CHRM2: variants seen among roughly 807,000 people sequenced by gnomAD.
The protein encoded by CHRM2 is cholinergic receptor muscarinic 2.
Under a neutral mutation model 25.0 loss-of-function variants are expected in CHRM2, and 8 were observed. That is an observed-to-expected ratio of 0.32 (90% CI 0.19 to 0.58). The LOEUF (loss-of-function observed/expected upper bound fraction) is 0.58. CHRM2 is among the 20% of genes least tolerant of loss of function. The pLI, the probability that CHRM2 is intolerant of heterozygous loss-of-function variation, is 0.88. For missense variants in CHRM2, 440 were observed against 567.1 expected (o/e 0.78, Z 2.28); for synonymous variants, 202 against 205.7 (o/e 0.98, Z 0.15).
At chr7:136,933,272 T>C (rs1179327230) in intron 2 of CHRM2, among the ~76,000 whole-genome samples, 1 of 152,180 alleles carries the variant, frequency 6.6e-6, no homozygotes, top group Non-Finnish European at 1.5e-5. Context: ...GGAACAGACA[T>C]TTCTCCAAAG....
In CHRM2 at chr7:136,894,496, C is replaced by T. The variant is rs191386887; in HGVS notation, c.-125+25078C>T. Among the ~76,000 whole-genome samples the T allele has an allele frequency of 3.3e-5, 5 of 152,090 alleles. No individual in the cohort carries two copies. In the East Asian group the frequency reaches 7.8e-4, roughly 24 times the overall value. Reference sequence around the variant, plus strand: ...AAGCAATTCTCCTGCCTCAGCCTCCCGAGTAGGTGAGATTACAGACACATG... The same window carrying T: ...AAGCAATTCTCCTGCCTCAGCCTCCTGAGTAGGTGAGATTACAGACACATG... On this transcript the variant is annotated intron_variant, in intron 2 of 3. Coordinates refer to ENST00000680005, the MANE Select transcript of CHRM2 (RefSeq NM_001006630.2).
chr7:136,954,016 C>T (rs1800572441), intron 2 of CHRM2, among the ~76,000 whole-genome samples: 1 of 151,986 alleles, frequency 6.6e-6, no homozygotes, highest in Admixed American at 6.6e-5. Context: ...AGAGGAATGG[C>T]CTGTTTATTA....
intron 3 of CHRM2, among the ~76,000 whole-genome samples, chr7:136,994,536 T>C (rs1803458731): frequency 6.9e-6 from 1 of 144,430 alleles, no homozygotes. Context: ...TTTTTTTTTT[T>C]TTTTTTTTTT....
At chr7:136,959,793 C>T (rs1800955324) in intron 2 of CHRM2, among the ~76,000 whole-genome samples, 1 of 152,128 alleles carries the variant, frequency 6.6e-6, no homozygotes, top group Middle Eastern at 3.2e-3. Context: ...TGCCTGTAAT[C>T]CCAGCTACTC....
intron 2 of CHRM2, among the ~76,000 whole-genome samples, chr7:136,877,092 T>C (rs895508137): frequency 3.9e-5 from 6 of 152,006 alleles, no homozygotes; most frequent in Non-Finnish European, 7.4e-5. Context: ...AACTGGAACA[T>C]AGAAGGCATC....
chr7:136,903,189 A>C (rs2130633529), intron 2 of CHRM2: 1 of 534,298 alleles, frequency 1.9e-6, no homozygotes. Context: ...TGGTTTGGAA[A>C]GTTCATTGTT....
At chr7:136,938,647 G>T in intron 2 of CHRM2, 1 of 829,180 alleles carries the variant, frequency 1.2e-6, no homozygotes, top group East Asian at 2.5e-5. Context: ...TGCGGGCACA[G>T]GGCCCACTCG....
At chr7:136,894,324 A>G (rs1035312176) in intron 2 of CHRM2, among the ~76,000 whole-genome samples, 12 of 152,300 alleles carry the variant, frequency 7.9e-5, no homozygotes, top group African/African-American at 2.9e-4. Context: ...ATCATTTTGA[A>G]GAAAATATGG....
intron 3 of CHRM2, among the ~76,000 whole-genome samples, chr7:137,009,896 G>A (rs894813239): frequency 4.6e-5 from 7 of 151,430 alleles, no homozygotes; most frequent in African/African-American, 7.3e-5. Flanking sequence ...CTAACCCTGC[G>A]CCCCATACCT....
intron 3 of CHRM2, among the ~76,000 whole-genome samples, chr7:137,000,928 G>A (rs1803994134): frequency 6.6e-6 from 1 of 152,140 alleles, no homozygotes; most frequent in Non-Finnish European, 1.5e-5. Context: ...CCATTTAAGG[G>A]TTTGTTTTGT....
chr7:136,903,074 G>A, intron 2 of CHRM2: 1 of 519,794 alleles, frequency 1.9e-6, no homozygotes. Context: ...TTCTGACACA[G>A]AAGACAAACA....
intron 2 of CHRM2, among the ~76,000 whole-genome samples, chr7:136,925,676 C>CA (rs1274742420): frequency 6.6e-6 from 1 of 152,100 alleles, no homozygotes; most frequent in Non-Finnish European, 1.5e-5. Flanking sequence ...TAATCCCTGG[C>CA]ACCTCCTGTC....
At chr7:136,938,324 T>C in intron 2 of CHRM2, 1 of 1,429,078 alleles carries the variant, frequency 7.0e-7, no homozygotes, top group Non-Finnish European at 9.8e-7. Flanking sequence ...ATGTTGTCCA[T>C]GTTGCTCCGA....
At chr7:136,928,287 T>C (rs1450339671) in intron 2 of CHRM2, among the ~76,000 whole-genome samples, 1 of 152,234 alleles carries the variant, frequency 6.6e-6, no homozygotes, top group Non-Finnish European at 1.5e-5. Context: ...TTAACTTCTC[T>C]GGGCCTCATG....
chr7:136,970,974 G>C (rs1293333434), intron 2 of CHRM2, among the ~76,000 whole-genome samples: 2 of 152,066 alleles, frequency 1.3e-5, no homozygotes, highest in Non-Finnish European at 1.5e-5. Context: ...GAAAATACTT[G>C]ACACAATTGA....
At chr7:137,006,266 G>T (rs1804417222) in intron 3 of CHRM2, among the ~76,000 whole-genome samples, 4 of 152,008 alleles carry the variant, frequency 2.6e-5, no homozygotes, top group African/African-American at 7.2e-5. Context: ...CTTCCTTTTT[G>T]GCAGGAGTTG....
chr7:136,905,317 A>G (rs1797472686), intron 2 of CHRM2, among the ~76,000 whole-genome samples: 1 of 151,448 alleles, frequency 6.6e-6, no homozygotes, highest in African/African-American at 2.4e-5. Context: ...CACAAAATGC[A>G]CTCGTTTTTT....
At chr7:136,912,727 TAGATATTA>T (rs1797908632) in intron 2 of CHRM2, among the ~76,000 whole-genome samples, 1 of 151,952 alleles carries the variant, frequency 6.6e-6, no homozygotes. Context: ...AGACATCCTA[TAGATATTA>T]ATTACAAAAA....
chr7:136,966,957 G>C (rs1454226601), intron 2 of CHRM2, among the ~76,000 whole-genome samples: 2 of 151,916 alleles, frequency 1.3e-5, no homozygotes, highest in African/African-American at 2.4e-5. Context: ...ATACTGGTGA[G>C]CTTGGTATAA....
Sources: gnomAD v4.1 joint callset for allele counts (sites outside exome capture counted in the v4.1 genomes callset) on GRCh38, gnomAD v4.1.1 for gene constraint, MANE v1.5 for transcripts, NCBI Gene and HGNC (gene_info 2026-07-23, HGNC 2026-07-21) for gene names.